The following GPC6 variants were observed in gnomAD, a reference collection of about 807,000 sequenced individuals.
GPC6 encodes glypican-6.
A neutral mutation model predicts 55.2 loss-of-function variants in GPC6; 14 were observed. That is an observed-to-expected ratio of 0.25 (90% CI 0.17 to 0.40). GPC6 has a LOEUF of 0.40. GPC6 is among the 10% of genes least tolerant of loss of function. GPC6 has a pLI of 1.00. For missense variants in GPC6, 641 were observed against 708.5 expected, an observed-to-expected ratio of 0.90 and a Z score of 1.08; for synonymous variants, 278 against 259.6, an observed-to-expected ratio of 1.07 and a Z score of -0.68.
At chr13:93,498,851 A>T (rs564229050) in intron 1 of GPC6, among the ~76,000 whole-genome samples, 1 of 152,230 alleles carries the variant, frequency 6.6e-6, no homozygotes, top group African/African-American at 2.4e-5. Context: ...CCATCCAGAG[A>T]CTTTTTCTCA....
intron 1 of GPC6, among the ~76,000 whole-genome samples, chr13:93,229,266 C>G (rs1875928075): frequency 1.3e-5 from 2 of 149,408 alleles, no homozygotes; most frequent in South Asian, 4.6e-4. Flanking sequence ...CTCCCCAAAT[C>G]TCAGGGAATT....
At chr13:93,834,596 G>T (rs1887661562) in intron 3 of GPC6, among the ~76,000 whole-genome samples, 1 of 152,028 alleles carries the variant, frequency 6.6e-6, no homozygotes, top group African/African-American at 2.4e-5. Context: ...GTGTGTGCAT[G>T]CATGTATGTG....
chr13:93,923,894 C>T lies in GPC6; in HGVS notation c.711+93349C>T, dbSNP rs58865845. On this transcript the variant is annotated intron_variant, in intron 3 of 8. Coordinates refer to ENST00000377047, the MANE Select transcript of GPC6 (RefSeq NM_005708.5). The stretch of plus-strand genomic sequence containing the variant: ...AATTTATTACTCATGATCTATCCTC[C>T]TTACTTATTATTCAGCTTCTTATTT... Among the ~76,000 whole-genome samples the T allele has an allele frequency of 6.9e-3, 1,058 of 152,250 alleles. 15 individuals are homozygous for T. The highest frequency in any genetic ancestry group is 0.024 in the African/African-American group (1,014 of 41,556).
At chr13:93,448,622 T>G (rs1051653456) in intron 1 of GPC6, among the ~76,000 whole-genome samples, 3 of 152,232 alleles carry the variant, frequency 2.0e-5, no homozygotes, top group African/African-American at 7.2e-5. Context: ...ATAGGAGACT[T>G]GCCTCTGTAA....
chr13:93,457,033 C>T (rs1421837069), intron 1 of GPC6, among the ~76,000 whole-genome samples: 7 of 152,150 alleles, frequency 4.6e-5, no homozygotes, highest in Admixed American at 4.6e-4. Context: ...TCCTTCACTC[C>T]GCTCTCATTC....
Position 93,937,531 on chromosome 13 carries a change from A to G in GPC6, c.712-90198A>G, listed in dbSNP as rs534361502. The stretch of plus-strand genomic sequence containing the variant: ...TTCAGAGAAGTTTACACCTACATGT[A>G]GTACTTTCAAAAGTTGAGCAATCTT... On this transcript the variant is annotated intron_variant, in intron 3 of 8. Transcript: ENST00000377047. Among the ~76,000 whole-genome samples the G allele has an allele frequency of 2.0e-5, 3 of 152,368 alleles. No individual in the cohort carries two copies. The South Asian group carries it at 6.2e-4, about 32-fold the overall frequency.
At chr13:94,132,064 G>A (rs835971) in intron 4 of GPC6, among the ~76,000 whole-genome samples, 137,047 of 152,060 alleles carry the variant, frequency 0.9, 62,439 homozygotes, top group Non-Finnish European at 0.98. Flanking sequence ...TCCATTTCCT[G>A]TCACACATCT....
chr13:94,363,487 A>C (rs2139183763), intron 6 of GPC6, among the ~76,000 whole-genome samples: 1 of 152,328 alleles, frequency 6.6e-6, no homozygotes, highest in African/African-American at 2.4e-5. Flanking sequence ...GAGAAAAATG[A>C]GTTCTGTTGA....
intron 6 of GPC6, among the ~76,000 whole-genome samples, chr13:94,345,002 C>T (rs1228268548): frequency 1.3e-5 from 2 of 152,168 alleles, no homozygotes; most frequent in Admixed American, 6.5e-5. Context: ...GGGCTCCTAG[C>T]AGTCAAGTGG....
chr13:93,425,420 C>T (rs1449678058), intron 1 of GPC6, among the ~76,000 whole-genome samples: 2 of 137,132 alleles, frequency 1.5e-5, no homozygotes, highest in Non-Finnish European at 3.5e-5. Flanking sequence ...TGTACACCAA[C>T]CACAACCTAA....
intron 2 of GPC6, among the ~76,000 whole-genome samples, chr13:93,780,109 T>A (rs1885590344): frequency 6.6e-6 from 1 of 152,216 alleles, no homozygotes; most frequent in East Asian, 1.9e-4. Context: ...TAATTATACA[T>A]GAAAGTCATT....
At chr13:93,669,297 G>T (rs921796269) in intron 2 of GPC6, among the ~76,000 whole-genome samples, 2 of 152,152 alleles carry the variant, frequency 1.3e-5, no homozygotes, top group Admixed American at 6.5e-5. Context: ...GGCATCTCTT[G>T]TGATTTTAAA....
chr13:93,563,575 A>G (rs558939085), intron 2 of GPC6, among the ~76,000 whole-genome samples: 20 of 152,118 alleles, frequency 1.3e-4, no homozygotes, highest in Non-Finnish European at 1.0e-4. Context: ...TGTAACATAT[A>G]TGAAGATGAG....
chr13:93,884,474 CA>C (rs1392248975), intron 3 of GPC6, among the ~76,000 whole-genome samples: 2 of 151,898 alleles, frequency 1.3e-5, no homozygotes, highest in East Asian at 3.9e-4. Context: ...TCGTTCTTCA[CA>C]AAAAAAGCAT....
At chr13:93,813,893 A>G (rs1238879630) in intron 2 of GPC6, among the ~76,000 whole-genome samples, 1 of 152,112 alleles carries the variant, frequency 6.6e-6, no homozygotes, top group Non-Finnish European at 1.5e-5. Context: ...TCATATATGT[A>G]TCATCAATAT....
chr13:93,232,061 G>GCAAACCAA (rs1280404263), intron 1 of GPC6, among the ~76,000 whole-genome samples: 3 of 150,798 alleles, frequency 2.0e-5, no homozygotes, highest in Non-Finnish European at 2.9e-5. Context: ...TGCTCCCCCG[G>GCAAACCAA]CAAACCAACT....
intron 4 of GPC6, among the ~76,000 whole-genome samples, chr13:94,184,504 A>G (rs951221854): frequency 6.6e-6 from 1 of 152,224 alleles, no homozygotes; most frequent in African/African-American, 2.4e-5. Flanking sequence ...TTCTCAAAAG[A>G]AGACGTACAC....
chr13:94,091,064 A>T (rs986237801), intron 4 of GPC6, among the ~76,000 whole-genome samples: 1 of 152,176 alleles, frequency 6.6e-6, no homozygotes, highest in Non-Finnish European at 1.5e-5. Context: ...TTTCATCAAG[A>T]TTCATCTATT....
At chr13:93,672,704 G>C (rs1258503480) in intron 2 of GPC6, among the ~76,000 whole-genome samples, 2 of 151,074 alleles carry the variant, frequency 1.3e-5, no homozygotes, top group Non-Finnish European at 2.9e-5. Context: ...TAATCTCAGT[G>C]TTCATTATAT....
Sources: allele counts gnomAD v4.1 joint callset (sites outside exome capture counted in the v4.1 genomes callset), GRCh38; gene constraint gnomAD v4.1.1; transcripts MANE v1.5; gene names NCBI Gene and HGNC (gene_info 2026-07-23, HGNC 2026-07-21).